Variants in CEMIP2 observed in about 807,000 individuals in gnomAD.
The protein encoded by CEMIP2 is cell migration inducing hyaluronidase 2, also known as cell surface hyaluronidase CEMIP2.
A neutral mutation model predicts 146.9 loss-of-function variants in CEMIP2; 79 were observed. The ratio of observed to expected loss-of-function variants is 0.54; its 90% CI spans 0.45 to 0.65. The LOEUF is 0.65. CEMIP2 is among the 30% of genes least tolerant of loss of function. CEMIP2 has a pLI of 0.00. For missense variants in CEMIP2, 1,596 were observed against 1,696.2 expected (o/e 0.94, Z 1.04); for synonymous variants, 601 against 606.3 (o/e 0.99, Z 0.13).
intron 23 of CEMIP2, 151 bp from the exon 24 acceptor site, chr9:71,685,544 AC>A: frequency 9.5e-7 from 1 of 1,052,116 alleles, no homozygotes; most frequent in Non-Finnish European, 1.3e-6. Context: ...ATGAACTCTC[AC>A]CACCCACCTT....
rs902048042 is a variant in CEMIP2 at position 71,683,824 on chromosome 9, T to C, written c.*1373A>G. The C allele has an allele frequency of 6.5e-6, 1 of 152,672 alleles. No individual in the cohort carries two copies. Among genetic ancestry groups the C allele is most frequent in the East Asian group, 1.9e-4 (1 of 5,192 alleles). The allele number at this position is 152,672 out of a possible 1,614,324, so 9.5% of individuals were successfully genotyped here. A position where few individuals can be genotyped will look rare whatever the true frequency, so the allele number is the denominator to read the frequency against. On this transcript the variant is annotated 3_prime_UTR_variant, in exon 24 of 24. Transcript: ENST00000377044. Reference sequence around the variant, plus strand: ...CCCCTAGAAGAGGAAAGTGAAATTATCTGTACTCATTGCCAGTGTCAGCCT... The same window carrying C: ...CCCCTAGAAGAGGAAAGTGAAATTACCTGTACTCATTGCCAGTGTCAGCCT...
intron 16 of CEMIP2, among the ~76,000 whole-genome samples, chr9:71,711,575 G>A (rs1822905709): frequency 6.6e-6 from 1 of 150,854 alleles, no homozygotes; most frequent in South Asian, 2.1e-4. Flanking sequence ...TGGGTGACAG[G>A]CTGAGACCCT....
chr9:71,724,835 G>T (rs1239235099), intron 11 of CEMIP2, among the ~76,000 whole-genome samples: 1 of 152,116 alleles, frequency 6.6e-6, no homozygotes, highest in Non-Finnish European at 1.5e-5. Context: ...AAGAAGAGAT[G>T]AATTATGCTT....
intron 17 of CEMIP2, among the ~76,000 whole-genome samples, chr9:71,707,843 T>G (rs962429125): frequency 6.6e-6 from 1 of 152,230 alleles, no homozygotes; most frequent in Admixed American, 6.5e-5. Context: ...CCTCTAATTC[T>G]CGTCTCCATG....
chr9:71,692,131 A>C (rs997512633), intron 21 of CEMIP2, among the ~76,000 whole-genome samples: 14 of 151,256 alleles, frequency 9.3e-5, no homozygotes, highest in Non-Finnish European at 1.9e-4. Context: ...AAAAAAAAAA[A>C]CAACCAAAAA....
intron 7 of CEMIP2, 97 bp from the exon 8 acceptor site, chr9:71,731,011 T>C: frequency 2.2e-6 from 2 of 925,232 alleles, no homozygotes; most frequent in Non-Finnish European, 3.3e-6. Context: ...GGAGAATACT[T>C]ATTAAAACAT....
At position 71,709,323 on chromosome 9, in the gene CEMIP2, C is replaced by T. The variant is rs147272925; in HGVS notation, c.2921G>A (p.Arg974His). The part of the protein sequence containing the change: ...YVGRMDNYLI[R>H]HPSCVNVSKW... The stretch of plus-strand genomic sequence containing the variant: ...AGACACATTTACACAGCTTGGATGG[C>T]GGATCAGGTAGTTGTCCATTCTTCC... Residue 974 changes from arginine (R) to histidine (H), a missense_variant, in exon 17 of 24, where the codon CGC becomes CAC. Physicochemically the swap from Arg to His is conservative, Grantham distance 29. Coordinates refer to ENST00000377044, the MANE Select transcript of CEMIP2 (RefSeq NM_013390.3). The T allele has an allele frequency of 4.2e-4, 685 of 1,614,170 alleles. No homozygotes were observed. In the African/African-American group the frequency reaches 6.6e-3, roughly 16 times the overall value.
At chr9:71,765,270 T>C (rs1005311811) in intron 1 of CEMIP2, among the ~76,000 whole-genome samples, 6 of 152,236 alleles carry the variant, frequency 3.9e-5, no homozygotes, top group African/African-American at 1.4e-4. Flanking sequence ...GATTAAGCTA[T>C]GATTTATATC....
At chr9:71,744,548 AAAAAAG>A (rs887101875) in intron 4 of CEMIP2, among the ~76,000 whole-genome samples, 4 of 152,158 alleles carry the variant, frequency 2.6e-5, no homozygotes, top group Admixed American at 6.5e-5. Flanking sequence ...AAGGAGTCCG[AAAAAAG>A]AAAAAGAAAA....
intron 1 of CEMIP2, among the ~76,000 whole-genome samples, chr9:71,756,502 T>TCACACA (rs1354053174): frequency 6.7e-5 from 7 of 104,768 alleles, no homozygotes; most frequent in African/African-American, 2.5e-4. Context: ...TCTCTCTCTC[T>TCACACA]CTCTCACACA....
Position 71,730,914 on chromosome 9 carries a change from T to C in CEMIP2, c.1564A>G (p.Ile522Val), listed in dbSNP as rs556129314. ...DYDTFGGHIM[I>V]MKNFTSVHLS... Reference sequence around the variant, plus strand: ...TGGACTGAAGTAAAATTTTTCATTATCTGTAAGTCAAGGTACTAAAATCAA... The same window carrying C: ...TGGACTGAAGTAAAATTTTTCATTACCTGTAAGTCAAGGTACTAAAATCAA... Residue 522 changes from isoleucine (I) to valine (V), a missense_variant and splice_region_variant, in exon 8 of 24, where the codon ATA becomes GTA. Physicochemically the swap from Ile to Val is conservative, Grantham distance 29. Transcript: ENST00000377044. The C allele has an allele frequency of 2.9e-5, 47 of 1,613,828 alleles. No individual in the cohort carries two copies. The highest frequency in any genetic ancestry group is 4.0e-5 in the African/African-American group (3 of 74,924).
intron 2 of CEMIP2, among the ~76,000 whole-genome samples, chr9:71,746,808 A>G (rs1315567418): frequency 2.0e-5 from 3 of 152,158 alleles, no homozygotes; most frequent in Admixed American, 1.3e-4. Flanking sequence ...GCACACAGTG[A>G]ATGATGAAGT....
intron 1 of CEMIP2, among the ~76,000 whole-genome samples, chr9:71,765,674 C>T (rs1024577990): frequency 4.6e-5 from 7 of 152,160 alleles, no homozygotes; most frequent in East Asian, 3.8e-4. Flanking sequence ...GCGTTCTGTG[C>T]GTAATTCTCC....
Position 71,750,359 on chromosome 9 carries a change from A to G in CEMIP2, c.15T>C (p.Asp5=). The change falls in exon 2 of 24, where the codon GAT becomes GAC. Residue 5 remains aspartate, a synonymous_variant. Transcript: ENST00000377044. MYAT[D]SRGHSPAFLQ... is the part of the protein sequence containing the mutation. ...GGAAAGCAGGGGAGTGTCCCCTGGA[A>G]TCAGTGGCATACATGATACACTGTT... 1 of 1,611,706 alleles carries G rather than the reference A, an allele frequency of 6.2e-7. No individual in the cohort carries two copies. Among genetic ancestry groups the G allele is most frequent in the Non-Finnish European group, 8.5e-7 (1 of 1,178,866 alleles).
rs1168649836 is a variant in CEMIP2 at position 71,683,388 on chromosome 9, T to G, written c.*1809A>C. On this transcript the variant is annotated 3_prime_UTR_variant, in exon 24 of 24. Transcript: ENST00000377044. ...ATATAAAATACATGCACACATATTT[T>G]TATTTAACTTAGGCCCTGATTATTA... 9 of 152,268 alleles carry G rather than the reference T, an allele frequency of 5.9e-5. No homozygotes were observed. The highest frequency in any genetic ancestry group is 1.9e-4 in the African/African-American group (8 of 41,396). 9.4% of individuals were successfully genotyped at this position (152,268 alleles called of 1,614,324 possible).
At chr9:71,710,749 G>C (rs898977396) in intron 16 of CEMIP2, among the ~76,000 whole-genome samples, 10 of 152,102 alleles carry the variant, frequency 6.6e-5, no homozygotes, top group Non-Finnish European at 1.3e-4. Flanking sequence ...CTCCGTACTG[G>C]ACAGGGGATC....
intron 12 of CEMIP2, among the ~76,000 whole-genome samples, chr9:71,720,710 AT>A (rs1384393768): frequency 2.6e-5 from 4 of 152,100 alleles, no homozygotes; most frequent in Admixed American, 2.0e-4. Context: ...AGTTTTTATC[AT>A]TTTTACCATG....
chr9:71,737,667 G>A (rs919579660), intron 5 of CEMIP2, among the ~76,000 whole-genome samples: 7 of 152,054 alleles, frequency 4.6e-5, no homozygotes, highest in South Asian at 4.1e-4. Flanking sequence ...CACCGTACCC[G>A]GCTCTGCCAA....
At chr9:71,756,506 T>TCTCTCACACACACACA (rs1010879160) in intron 1 of CEMIP2, among the ~76,000 whole-genome samples, 1 of 112,496 alleles carries the variant, frequency 8.9e-6, no homozygotes, top group African/African-American at 3.4e-5. Flanking sequence ...TCTCTCTCTC[T>TCTCTCACACACACACA]CACACACACA....
Sources: allele counts gnomAD v4.1 joint callset (sites outside exome capture counted in the v4.1 genomes callset), GRCh38; gene constraint gnomAD v4.1.1; transcripts MANE v1.5; gene names NCBI Gene and HGNC (gene_info 2026-07-23, HGNC 2026-07-21).